Variants in GRSF1 observed in about 807,000 individuals in gnomAD.
GRSF1 encodes the protein G-rich RNA sequence binding factor 1.
Under a neutral mutation model 51.1 loss-of-function variants are expected in GRSF1, and 50 were observed. The observed-to-expected ratio is 0.98, with a 90% CI of 0.78 to 1.24. The LOEUF (loss-of-function observed/expected upper bound fraction) is 1.24. GRSF1 is among the 50% of genes most tolerant of loss of function. The probability of loss-of-function intolerance (pLI) is 0.00; values close to 1 mark genes in which losing one functional copy is unlikely to be tolerated. For missense variants in GRSF1, 700 were observed against 639.7 expected (o/e 1.09, Z -1.02); for synonymous variants, 293 against 253.3 (o/e 1.16, Z -1.49).
At chr4:70,821,832 C>T (rs1007595732) in intron 9 of GRSF1, among the ~76,000 whole-genome samples, 7 of 151,946 alleles carry the variant, frequency 4.6e-5, no homozygotes, top group African/African-American at 1.2e-4. Context: ...TGCACCACCA[C>T]ACCCAGCTAA....
Position 70,817,346 on chromosome 4 carries a change from A to T in GRSF1, c.*3541T>A, listed in dbSNP as rs953768497. Reference sequence around the variant, plus strand: ...CACTTCAGCCTCACAAAGTGCGGGGATTACAGATGTCAGCCACCACACCTA... The same window carrying T: ...CACTTCAGCCTCACAAAGTGCGGGGTTTACAGATGTCAGCCACCACACCTA... On this transcript the variant is annotated 3_prime_UTR_variant, in exon 10 of 10. Transcript: ENST00000254799. The T allele has an allele frequency of 2.0e-5, 3 of 152,086 alleles. No homozygotes were observed. Among genetic ancestry groups the T allele is most frequent in the African/African-American group, 7.2e-5 (3 of 41,394 alleles). 9.4% of individuals were successfully genotyped at this position (152,086 alleles called of 1,614,324 possible).
intron 9 of GRSF1, among the ~76,000 whole-genome samples, chr4:70,821,491 A>G (rs1733497858): frequency 1.3e-5 from 2 of 151,876 alleles, no homozygotes; most frequent in Non-Finnish European, 2.9e-5. Context: ...CTGTAGCCCC[A>G]GCTACTTCAT....
At chr4:70,838,768 T>G (rs1578311895) in intron 1 of GRSF1, 1 of 158,840 alleles carries the variant, frequency 6.3e-6, no homozygotes, top group South Asian at 1.7e-4. Context: ...CCCCAAGTTG[T>G]GTCCTCAACC....
At position 70,827,959 on chromosome 4, in the gene GRSF1, G is replaced by T; in HGVS notation, c.1028C>A (p.Ser343Tyr). The T allele has an allele frequency of 1.2e-6, 2 of 1,612,558 alleles. No homozygotes were observed. The highest frequency in any genetic ancestry group is 1.7e-4 in the Middle Eastern group (1 of 6,056). ...AGTTATATACTTAGCAGTAGGAAAA[G>T]ATGCGATTTTCTTTCCCTTATAAGA... Reference protein sequence around the residue: ...VGSYKGKKIASFPTAKYITEP... With the variant: ...VGSYKGKKIAYFPTAKYITEP... Residue 343 changes from serine (S) to tyrosine (Y), a missense_variant, in exon 6 of 10, where the codon TCT becomes TAT. Ser to Tyr is a moderately radical substitution (Grantham distance 144). Transcript: ENST00000254799.
In GRSF1 at chr4:70,839,870, C is replaced by G. The variant is rs28365837; in HGVS notation, c.-43G>C. 12 of 1,431,042 alleles carry G rather than the reference C, an allele frequency of 8.4e-6. No individual in the cohort carries two copies. The East Asian group carries it at 2.1e-4, about 25-fold the overall frequency. 88.6% of individuals were successfully genotyped at this position (1,431,042 alleles called of 1,614,324 possible). On this transcript the variant is annotated 5_prime_UTR_variant, in exon 1 of 10. Transcript: ENST00000254799. ...CAGGGCCTGAAGGCAGCTGCTCCAG[C>G]AGCGATGGTGGAACGGAAGTGGAAT...
chr4:70,839,435 G>T (rs531177506), intron 1 of GRSF1, 36 bp downstream of exon 1: 113 of 1,486,592 alleles, frequency 7.6e-5, no homozygotes, highest in Non-Finnish European at 9.7e-5. Context: ...GGCCCGGGAG[G>T]GATCTCGCGC....
intron 5 of GRSF1, among the ~76,000 whole-genome samples, chr4:70,829,131 T>C (rs1024069316): frequency 1.3e-5 from 2 of 152,296 alleles, no homozygotes; most frequent in South Asian, 4.1e-4. Flanking sequence ...GCTCAAGTGA[T>C]CCTCCCACTT....
chr4:70,819,791 T>G lies in GRSF1; in HGVS notation c.*1096A>C, dbSNP rs1021547378. 2 of 152,646 alleles carry G rather than the reference T, an allele frequency of 1.3e-5. No individual in the cohort carries two copies. Among genetic ancestry groups the G allele is most frequent in the African/African-American group, 4.8e-5 (2 of 41,452 alleles). 9.5% of individuals were successfully genotyped at this position (152,646 alleles called of 1,614,324 possible). A position where few individuals can be genotyped will look rare whatever the true frequency, so the allele number is the denominator to read the frequency against. ...TACACAGGTGCACATAAAGTTAGTTTATTAATGACTATATTTTGAAGCCAG... is the reference window on the plus strand; with the variant it reads ...TACACAGGTGCACATAAAGTTAGTTGATTAATGACTATATTTTGAAGCCAG... On this transcript the variant is annotated 3_prime_UTR_variant, in exon 10 of 10. Transcript: ENST00000254799.
chr4:70,839,586 G>A lies in GRSF1; in HGVS notation c.242C>T (p.Ala81Val). The A allele has an allele frequency of 2.8e-5, 39 of 1,416,528 alleles. No homozygotes were observed. Among genetic ancestry groups the A allele is most frequent in the Non-Finnish European group, 3.5e-5 (38 of 1,088,686 alleles). 87.7% of individuals were successfully genotyped at this position (1,416,528 alleles called of 1,614,324 possible). A position where few individuals can be genotyped will look rare whatever the true frequency, so the allele number is the denominator to read the frequency against. ...VPPGRLAGPP[A>V]VATSAAAAAA... ...CGCGGCCGCGGCAGAGGTGGCCACAGCGGGAGGCCCCGCCAGCCTCCCGGG... is the reference window on the plus strand; with the variant it reads ...CGCGGCCGCGGCAGAGGTGGCCACAACGGGAGGCCCCGCCAGCCTCCCGGG... The change falls in exon 1 of 10, where the codon GCT becomes GTT. Residue 81 changes from alanine (A) to valine (V), a missense_variant. By Grantham distance (64) the Ala-to-Val change is moderately conservative. Coordinates refer to ENST00000254799, the MANE Select transcript of GRSF1 (RefSeq NM_002092.4).
At chr4:70,842,053 C>CT (rs1236988336), upstream of GRSF1, among the ~76,000 whole-genome samples, 3 of 152,166 alleles carry the variant, frequency 2.0e-5, no homozygotes, top group Non-Finnish European at 4.4e-5. Context: ...GTGGGAAGGG[C>CT]AGGCCCCCAA....
intron 2 of GRSF1, among the ~76,000 whole-genome samples, chr4:70,833,771 A>C (rs1383194115): frequency 6.6e-6 from 1 of 152,112 alleles, no homozygotes; most frequent in African/African-American, 2.4e-5. Flanking sequence ...CTCCCACCTT[A>C]GTCTCCCAAA....
Position 70,839,702 on chromosome 4 carries a change from GC to G in GRSF1, c.125del (p.Gly42AlafsTer101). ...GCAGCAGGCGGCGGCGGCCCGAGAC[GC>G]CCGACGGGATAGAGCCAGCGGCGGA... ...FYSAAGSIPS[G>X]VSGRRRLLLL... On this transcript the variant is annotated frameshift_variant, in exon 1 of 10. Coordinates refer to ENST00000254799, the MANE Select transcript of GRSF1 (RefSeq NM_002092.4). LOFTEE classifies it high-confidence loss of function. The G allele has an allele frequency of 6.8e-7, 1 of 1,467,934 alleles. No individual in the cohort carries two copies. Among genetic ancestry groups the G allele is most frequent in the Admixed American group, 2.6e-5 (1 of 38,882 alleles). The allele number at this position is 1,467,934 out of a possible 1,614,324, so 90.9% of individuals were successfully genotyped here.
chr4:70,839,967 C>G (rs1209629960), upstream of GRSF1: 1 of 696,310 alleles, frequency 1.4e-6, no homozygotes, highest in Non-Finnish European at 2.2e-6. Context: ...CTCCGAGAGT[C>G]GGAAGGAGGT....
At chr4:70,825,474 TA>T (rs1733699803) in intron 7 of GRSF1, 43 bp from the exon 8 acceptor site, 1 of 1,539,920 alleles carries the variant, frequency 6.5e-7, no homozygotes, top group Non-Finnish European at 8.8e-7. Flanking sequence ...ATGATGGATG[TA>T]AACCTACCTA....
chr4:70,831,630 T>C lies in GRSF1; in HGVS notation c.859A>G (p.Arg287Gly), dbSNP rs1161350494. ...ACATAGGCTTCCCCTGTTTTTCGCC[T>C]CCCTCTATAGTCCATCACAAAAGTA... ...DITFVMDYRG[R>G]RKTGEAYVQF... The change falls in exon 5 of 10, where the codon AGG becomes GGG. Residue 287 changes from arginine (R) to glycine (G), a missense_variant. By Grantham distance (125) the Arg-to-Gly change is moderately radical. Transcript: ENST00000254799. The C allele has an allele frequency of 6.2e-7, 1 of 1,613,632 alleles. No homozygotes were observed. The highest frequency in any genetic ancestry group is 1.7e-5 in the Admixed American group (1 of 60,010).
At chr4:70,830,203 G>C (rs1295414204) in intron 5 of GRSF1, among the ~76,000 whole-genome samples, 2 of 152,060 alleles carry the variant, frequency 1.3e-5, no homozygotes, top group African/African-American at 4.8e-5. Context: ...CAAAGCGGGC[G>C]ATCACTTGAG....
At chr4:70,828,574 AT>A (rs993978958) in intron 5 of GRSF1, among the ~76,000 whole-genome samples, 35 of 147,926 alleles carry the variant, frequency 2.4e-4, no homozygotes, top group African/African-American at 4.0e-4. Context: ...TTCTGGAACA[AT>A]TTTTTTTTTT....
In GRSF1 at chr4:70,827,907, A is replaced by G; in HGVS notation, c.1080T>C (p.His360=). The G allele has an allele frequency of 2.5e-6, 4 of 1,613,412 alleles. No individual in the cohort carries two copies. The highest frequency in any genetic ancestry group is 3.4e-6 in the Non-Finnish European group (4 of 1,179,556). Residue 360 remains histidine, a synonymous_variant, in exon 6 of 10, where the codon CAT becomes CAC. Coordinates refer to ENST00000254799, the MANE Select transcript of GRSF1 (RefSeq NM_002092.4). ...TGGGTTGAATATCCTCATTTACTTC[A>G]TGTTCTTCAAAGACCATTTCTGGCT... ...ITEPEMVFEE[H]EVNEDIQPMT...
At chr4:70,834,707 C>T (rs758756239) in intron 2 of GRSF1, among the ~76,000 whole-genome samples, 2 of 152,106 alleles carry the variant, frequency 1.3e-5, no homozygotes, top group South Asian at 2.1e-4. Context: ...CTGCAACCTC[C>T]GCCTCCCAGA....
Sources: gnomAD v4.1 joint callset for allele counts (sites outside exome capture counted in the v4.1 genomes callset) on GRCh38, gnomAD v4.1.1 for gene constraint, MANE v1.5 for transcripts, NCBI Gene and HGNC (gene_info 2026-07-23, HGNC 2026-07-21) for gene names.